TAS2R1: variants seen among roughly 807,000 people sequenced by gnomAD.
TAS2R1 encodes the protein taste 2 receptor member 1, also known as taste receptor type 2 member 1.
For missense variants in TAS2R1, 370 were observed against 353.4 expected, an observed-to-expected ratio of 1.05 and a Z score of -0.38; for synonymous variants, 141 against 134.2, an observed-to-expected ratio of 1.05 and a Z score of -0.35.
chr5:9,881,969 C>T, the TAS2R1 span, among the ~76,000 whole-genome samples: 1 of 152,162 alleles, frequency 6.6e-6, no homozygotes, highest in East Asian at 1.9e-4. Context: ...GTGACAAAAA[C>T]ATCAAAAGCA....
intron 1 of TAS2R1, among the ~76,000 whole-genome samples, chr5:9,674,989 C>A (rs966248092): frequency 5.3e-5 from 8 of 151,326 alleles, no homozygotes; most frequent in Non-Finnish European, 8.8e-5. Context: ...GCTAATAAGT[C>A]GTTATAGCAA....
At chr5:9,633,291 A>AT (rs1211929132), upstream of TAS2R1, among the ~76,000 whole-genome samples, 1,143 of 64,358 alleles carry the variant, frequency 0.018, 51 homozygotes, top group East Asian at 0.12. Flanking sequence ...GTGTGTGTGT[A>AT]TATTATATAT....
At chr5:9,897,908 A>G in the TAS2R1 span, among the ~76,000 whole-genome samples, 1 of 152,190 alleles carries the variant, frequency 6.6e-6, no homozygotes. Context: ...ACAACACTTA[A>G]AGAGGAAACA....
In TAS2R1 at chr5:9,669,366, T is replaced by C. The variant is rs554112916; in HGVS notation, c.-241-9785A>G. On this transcript the variant is annotated intron_variant, in intron 1 of 2. Transcript: ENST00000506620. ...TAGACAGATCATCAAGGCAGAAAAC[T>C]AACAAACGTTTTCAGGACTTGATCT... Among the ~76,000 whole-genome samples, 8 of 152,212 alleles carry C rather than the reference T, an allele frequency of 5.3e-5. No homozygotes were observed. The South Asian group carries it at 1.7e-3, about 32-fold the overall frequency.
the TAS2R1 span, among the ~76,000 whole-genome samples, chr5:9,817,025 C>T: frequency 6.6e-6 from 1 of 151,948 alleles, no homozygotes; most frequent in Admixed American, 6.6e-5. Context: ...TTAATTTTTT[C>T]CAGGCTTACT....
the TAS2R1 span, among the ~76,000 whole-genome samples, chr5:9,776,460 C>G: frequency 6.6e-6 from 1 of 152,258 alleles, no homozygotes; most frequent in East Asian, 1.9e-4. Context: ...TTTGTGTGGA[C>G]AGTTGTTTCT....
intron 2 of TAS2R1, among the ~76,000 whole-genome samples, chr5:9,651,884 C>A (rs78410104): frequency 6.6e-6 from 1 of 152,128 alleles, no homozygotes; most frequent in Non-Finnish European, 1.5e-5. Flanking sequence ...AAGCCCTGAG[C>A]GGCTGGGCGT....
At chr5:9,680,413 A>C (rs1383610012) in intron 1 of TAS2R1, among the ~76,000 whole-genome samples, 1 of 152,172 alleles carries the variant, frequency 6.6e-6, no homozygotes, top group Admixed American at 6.5e-5. Context: ...CAAAAACTGC[A>C]GTGTCGAAAG....
At chr5:9,752,342 C>T in the TAS2R1 span, among the ~76,000 whole-genome samples, 2 of 152,182 alleles carry the variant, frequency 1.3e-5, no homozygotes, top group African/African-American at 2.4e-5. Context: ...GTCCTCTGTA[C>T]TCCAGGGTCC....
intron 2 of TAS2R1, among the ~76,000 whole-genome samples, chr5:9,657,984 G>A (rs1031053994): frequency 6.6e-6 from 1 of 152,184 alleles, no homozygotes; most frequent in Non-Finnish European, 1.5e-5. Context: ...GAAGGATTTA[G>A]AACTGATGAG....
intron 1 of TAS2R1, among the ~76,000 whole-genome samples, chr5:9,672,034 A>G (rs191580147): frequency 1.3e-5 from 2 of 152,286 alleles, no homozygotes; most frequent in East Asian, 1.9e-4. Context: ...AAAACAAGCA[A>G]TAGGGGAAGG....
At chr5:9,678,281 A>T (rs1170415005) in intron 1 of TAS2R1, among the ~76,000 whole-genome samples, 1 of 152,174 alleles carries the variant, frequency 6.6e-6, no homozygotes, top group African/African-American at 2.4e-5. Context: ...TCAAGAAACA[A>T]CAGATGCTGG....
chr5:9,798,778 C>A, the TAS2R1 span, among the ~76,000 whole-genome samples: 720 of 152,304 alleles, frequency 4.7e-3, 3 homozygotes, highest in African/African-American at 0.016. Flanking sequence ...ACTGTGCCAA[C>A]GTAAGTAAAA....
At chr5:9,717,767 A>C in the TAS2R1 span, among the ~76,000 whole-genome samples, 1 of 152,240 alleles carries the variant, frequency 6.6e-6, no homozygotes, top group Non-Finnish European at 1.5e-5. Flanking sequence ...ACTCTGAATG[A>C]ATCAGAAATG....
chr5:9,830,632 CACAT>C, the TAS2R1 span, among the ~76,000 whole-genome samples: 3 of 148,002 alleles, frequency 2.0e-5, no homozygotes, highest in South Asian at 2.2e-4. Context: ...CACACACACA[CACAT>C]ACAACAGAGA....
chr5:9,789,523 A>T, the TAS2R1 span, among the ~76,000 whole-genome samples: 1 of 152,244 alleles, frequency 6.6e-6, no homozygotes, highest in African/African-American at 2.4e-5. Context: ...ATTCTAAGAC[A>T]TCACCAATTG....
the TAS2R1 span, among the ~76,000 whole-genome samples, chr5:9,846,679 C>T: frequency 2.2e-5 from 3 of 133,346 alleles, no homozygotes; most frequent in African/African-American, 5.3e-5. Context: ...AACACACACA[C>T]ATTGCACACA....
the TAS2R1 span, among the ~76,000 whole-genome samples, chr5:9,740,921 G>T: frequency 6.6e-6 from 1 of 152,138 alleles, no homozygotes; most frequent in African/African-American, 2.4e-5. Context: ...TGAGTAATTA[G>T]TTCTTTTGAT....
intron 1 of TAS2R1, among the ~76,000 whole-genome samples, chr5:9,690,310 G>A (rs995150186): frequency 2.6e-5 from 4 of 152,094 alleles, no homozygotes; most frequent in Non-Finnish European, 5.9e-5. Flanking sequence ...AAAATCAAAT[G>A]TTGTGATTTG....
Sources: gnomAD v4.1 joint callset for allele counts (sites outside exome capture counted in the v4.1 genomes callset) on GRCh38, gnomAD v4.1.1 for gene constraint, MANE v1.5 for transcripts, NCBI Gene and HGNC (gene_info 2026-07-23, HGNC 2026-07-21) for gene names.